Variants in GMDS observed in about 807,000 individuals in gnomAD.
GMDS encodes GDP-mannose 4,6-dehydratase.
GMDS carries 20 observed loss-of-function variants against 49.9 expected under a neutral mutation model. That is an observed-to-expected ratio of 0.40 (90% confidence interval 0.28 to 0.58). The LOEUF (loss-of-function observed/expected upper bound fraction) is 0.58, where lower values mean the gene tolerates loss of function less well. GMDS is among the 20% of genes least tolerant of loss of function. The pLI is 0.42. For missense variants in GMDS, 362 were observed against 481.4 expected (o/e 0.75, Z 2.32); for synonymous variants, 177 against 178.6 (o/e 0.99, Z 0.07).
intron 4 of GMDS, among the ~76,000 whole-genome samples, chr6:2,059,485 G>C (rs1770995199): frequency 6.7e-6 from 1 of 150,282 alleles, no homozygotes; most frequent in African/African-American, 2.4e-5. Context: ...GAGGCGGGTG[G>C]ATCACGAGGT....
At chr6:2,134,361 G>A (rs760298142) in intron 1 of GMDS, among the ~76,000 whole-genome samples, 2 of 152,198 alleles carry the variant, frequency 1.3e-5, no homozygotes, top group Admixed American at 6.5e-5. Flanking sequence ...CAGTGGTACT[G>A]ATAGAAAACA....
chr6:1,942,687 A>G (rs1561910018), intron 6 of GMDS, among the ~76,000 whole-genome samples: 1 of 152,246 alleles, frequency 6.6e-6, no homozygotes. Flanking sequence ...GAGACAGAAG[A>G]TAAAAAGGGA....
chr6:2,176,170 T>C (rs1017996124), intron 1 of GMDS, among the ~76,000 whole-genome samples: 3 of 152,156 alleles, frequency 2.0e-5, no homozygotes, highest in African/African-American at 4.8e-5. Context: ...GATTGACAAA[T>C]AGTACCAAAA....
chr6:2,148,316 C>A (rs940784100), intron 1 of GMDS, among the ~76,000 whole-genome samples: 7 of 152,218 alleles, frequency 4.6e-5, no homozygotes, highest in Middle Eastern at 3.2e-3. Context: ...ATTCAACATG[C>A]ACCTCCAAGT....
At chr6:2,013,924 C>CAATATATATATA (rs1767721523) in intron 4 of GMDS, among the ~76,000 whole-genome samples, 1 of 51,548 alleles carries the variant, frequency 1.9e-5, no homozygotes, top group African/African-American at 1.0e-4. Context: ...AGGATAAAAA[C>CAATATATATATA]CATATATATA....
At chr6:1,706,330 C>T (rs1275412339) in intron 9 of GMDS, among the ~76,000 whole-genome samples, 1 of 152,166 alleles carries the variant, frequency 6.6e-6, no homozygotes, top group Middle Eastern at 3.2e-3. Context: ...GAGGCAGCAG[C>T]ACAGGCTTAG....
intron 7 of GMDS, among the ~76,000 whole-genome samples, chr6:1,781,762 A>G (rs973060321): frequency 6.6e-6 from 1 of 152,124 alleles, no homozygotes; most frequent in African/African-American, 2.4e-5. Flanking sequence ...GAGTCACCAT[A>G]TTCCAATATT....
At chr6:2,203,523 A>AG (rs1196957929) in intron 1 of GMDS, among the ~76,000 whole-genome samples, 7 of 152,158 alleles carry the variant, frequency 4.6e-5, no homozygotes, top group African/African-American at 2.4e-5. Context: ...ACAGTACAGT[A>AG]GGCCCACTGT....
Position 2,164,466 on chromosome 6 carries a change from C to T in GMDS, c.103-39735G>A, listed in dbSNP as rs372618423. On this transcript the variant is annotated intron_variant, in intron 1 of 10. Coordinates refer to ENST00000380815, the MANE Select transcript of GMDS (RefSeq NM_001500.4). ...AGCAACTGCCTCAAGGAAGCCACTA[C>T]AGTTTCCTTAGACAATGCAGGGTTA... Among the ~76,000 whole-genome samples, 27 of 152,304 alleles carry T rather than the reference C, an allele frequency of 1.8e-4. 2 individuals carry two copies. In the South Asian group the frequency reaches 5.4e-3, roughly 30 times the overall value.
chr6:2,012,237 T>C (rs1767607964), intron 4 of GMDS, among the ~76,000 whole-genome samples: 1 of 152,016 alleles, frequency 6.6e-6, no homozygotes, highest in African/African-American at 2.4e-5. Flanking sequence ...CAAACCGCAC[T>C]CACACCCCCT....
Position 1,836,955 on chromosome 6 carries a change from G to C in GMDS, c.771+93148C>G, listed in dbSNP as rs550691819. 2.6e-5 allele frequency among the ~76,000 whole-genome samples: 4 copies of C among 152,328 alleles called. No individual in the cohort carries two copies. In the South Asian group the frequency reaches 8.3e-4, roughly 32 times the overall value. ...AAGACTTTGTTTTAAGTTTACAATA[G>C]AGAAAGTTTGGGAAAAGGCTAAAAA... On this transcript the variant is annotated intron_variant, in intron 7 of 10. Coordinates refer to ENST00000380815, the MANE Select transcript of GMDS (RefSeq NM_001500.4). This position sits in a 1 kb window ranked among gnomAD's most constrained non-coding sequence, Gnocchi z 4.2.
intron 6 of GMDS, among the ~76,000 whole-genome samples, chr6:1,952,373 T>C (rs1419476737): frequency 6.6e-6 from 1 of 152,192 alleles, no homozygotes. Flanking sequence ...TTAGTCAAAA[T>C]GTCTCTGAAA....
intron 4 of GMDS, among the ~76,000 whole-genome samples, chr6:2,106,299 T>G (rs1190812612): frequency 6.6e-6 from 1 of 152,206 alleles, no homozygotes; most frequent in Non-Finnish European, 1.5e-5. Context: ...TTACATTTTT[T>G]GAACTAGAAA....
At chr6:1,923,455 C>T in intron 7 of GMDS, among the ~76,000 whole-genome samples, 1 of 152,222 alleles carries the variant, frequency 6.6e-6, no homozygotes, top group East Asian at 1.9e-4. Flanking sequence ...GGGTCACAGG[C>T]ACCCCCACCT....
chr6:1,957,118 A>G (rs1405551573), intron 6 of GMDS, among the ~76,000 whole-genome samples: 1 of 152,192 alleles, frequency 6.6e-6, no homozygotes, highest in Non-Finnish European at 1.5e-5. Flanking sequence ...ATTAGCTTTA[A>G]TTACTATATG....
chr6:1,999,121 A>C (rs147078861), intron 4 of GMDS, among the ~76,000 whole-genome samples: 2,553 of 152,222 alleles, frequency 0.017, 24 homozygotes, highest in Middle Eastern at 0.044. Context: ...CAGGAAATCG[A>C]GACCAGCCTG....
At chr6:1,760,494 C>T (rs1768115831) in intron 7 of GMDS, among the ~76,000 whole-genome samples, 1 of 152,150 alleles carries the variant, frequency 6.6e-6, no homozygotes, top group Admixed American at 6.5e-5. Flanking sequence ...CAACCCAGTA[C>T]ACCAGAGGAG....
intron 7 of GMDS, among the ~76,000 whole-genome samples, chr6:1,812,047 A>ATTAAGATC (rs1281802352): frequency 6.6e-6 from 1 of 150,964 alleles, no homozygotes; most frequent in Non-Finnish European, 1.5e-5. Flanking sequence ...GAGATCTACA[A>ATTAAGATC]TTAAGATCTA....
At chr6:2,132,469 G>A (rs1017049484) in intron 1 of GMDS, among the ~76,000 whole-genome samples, 9 of 152,160 alleles carry the variant, frequency 5.9e-5, no homozygotes, top group Admixed American at 5.9e-4. Context: ...ACATTGGCTA[G>A]GACCTCCAGA....
Sources: allele counts gnomAD v4.1 joint callset (sites outside exome capture counted in the v4.1 genomes callset), GRCh38; gene constraint gnomAD v4.1.1; non-coding constraint Gnocchi (gnomAD v3.1); transcripts MANE v1.5; gene names NCBI Gene and HGNC (gene_info 2026-07-23, HGNC 2026-07-21).